Variants in NPLOC4 observed in about 807,000 individuals in gnomAD.
The protein encoded by NPLOC4 is nuclear protein localization protein 4 homolog.
In NPLOC4, 18 loss-of-function variants were observed where a neutral mutation model predicts 80.6. The ratio of observed to expected loss-of-function variants is 0.22; its 90% CI spans 0.15 to 0.33. The LOEUF is 0.33. Among genes scored for constraint, NPLOC4 ranks in the 10% least tolerant of loss-of-function variants. NPLOC4 has a pLI of 1.00. For missense variants in NPLOC4, 540 were observed against 786.1 expected (o/e 0.69, Z 3.74); for synonymous variants, 313 against 301.5 (o/e 1.04, Z -0.39).
At chr17:81,586,569 C>T (rs1229174005) in intron 12 of NPLOC4, among the ~76,000 whole-genome samples, 3 of 148,500 alleles carry the variant, frequency 2.0e-5, no homozygotes, top group African/African-American at 7.5e-5. Flanking sequence ...GAGATCGCGC[C>T]ACTGTACTCC....
At chr17:81,624,017 G>A (rs1237726070) in intron 2 of NPLOC4, among the ~76,000 whole-genome samples, 1 of 152,170 alleles carries the variant, frequency 6.6e-6, no homozygotes, top group Non-Finnish European at 1.5e-5. Flanking sequence ...GGGCGTGGTG[G>A]CTCATGTCTG....
intron 3 of NPLOC4, among the ~76,000 whole-genome samples, chr17:81,617,367 CCT>C (rs1295086096): frequency 6.6e-6 from 1 of 152,068 alleles, no homozygotes; most frequent in African/African-American, 2.4e-5. Context: ...GGACAAAGAC[CCT>C]GTCTCTAAAG....
intron 12 of NPLOC4, chr17:81,588,161 T>C (rs2034639542): frequency 6.6e-6 from 1 of 152,070 alleles, no homozygotes; most frequent in Non-Finnish European, 1.5e-5. Context: ...CTAAAAGAAA[T>C]TATCCAAAAT....
intron 13 of NPLOC4, among the ~76,000 whole-genome samples, chr17:81,570,474 G>A (rs1415990863): frequency 2.0e-5 from 3 of 152,212 alleles, no homozygotes; most frequent in Non-Finnish European, 4.4e-5. Context: ...CCCAGAACAC[G>A]TGCTAGTGAG....
chr17:81,628,121 G>C (rs923747224), intron 2 of NPLOC4, among the ~76,000 whole-genome samples: 2 of 151,590 alleles, frequency 1.3e-5, no homozygotes, highest in African/African-American at 4.9e-5. Flanking sequence ...TGAGGCAGGA[G>C]AGTGGCGTGA....
chr17:81,559,702 G>T (rs1020364311), intron 16 of NPLOC4, among the ~76,000 whole-genome samples: 1 of 151,820 alleles, frequency 6.6e-6, no homozygotes, highest in African/African-American at 2.4e-5. Context: ...ACTCCCCGGG[G>T]GATGTGCATT....
At chr17:81,617,876 G>A (rs933674542) in intron 3 of NPLOC4, among the ~76,000 whole-genome samples, 7 of 152,346 alleles carry the variant, frequency 4.6e-5, no homozygotes, top group African/African-American at 1.7e-4. Flanking sequence ...GGCCGGGCTG[G>A]TCTCCAGCTC....
intron 1 of NPLOC4, among the ~76,000 whole-genome samples, chr17:81,636,017 G>A (rs1174460090): frequency 1.3e-5 from 2 of 150,894 alleles, no homozygotes; most frequent in Non-Finnish European, 2.9e-5. Flanking sequence ...CTATAGCCCA[G>A]GCTGGAGTGC....
At chr17:81,563,814 G>T (rs964747151) in intron 16 of NPLOC4, 3 of 386,126 alleles carry the variant, frequency 7.8e-6, no homozygotes, top group Non-Finnish European at 1.5e-5. Context: ...GCAGCAACAT[G>T]GATGCAGTTG....
Position 81,597,922 on chromosome 17 carries a change from G to A in NPLOC4, c.922-606C>T, listed in dbSNP as rs79059060. 5.3e-5 allele frequency among the ~76,000 whole-genome samples: 8 copies of A among 150,108 alleles called. No individual in the cohort carries two copies. The East Asian group carries it at 1.4e-3, about 26-fold the overall frequency. On this transcript the variant is annotated intron_variant, in intron 9 of 16. Coordinates refer to ENST00000331134, the MANE Select transcript of NPLOC4 (RefSeq NM_017921.4). ...ATCCTGGCTAACATGGTGAAATCCC[G>A]TCTCTACTAAAAATAGAAAAAAATT...
At chr17:81,609,519 C>T (rs894688675) in intron 5 of NPLOC4, among the ~76,000 whole-genome samples, 1 of 152,148 alleles carries the variant, frequency 6.6e-6, no homozygotes, top group Admixed American at 6.5e-5. Context: ...AAAAGAGTTG[C>T]CCAGGCTGAA....
At position 81,559,204 on chromosome 17, in the gene NPLOC4, T is replaced by C. The variant is rs972495896; in HGVS notation, c.*55A>G. 3 of 1,529,258 alleles carry C rather than the reference T, an allele frequency of 2.0e-6. No individual in the cohort carries two copies. Among genetic ancestry groups the C allele is most frequent in the Non-Finnish European group, 2.6e-6 (3 of 1,136,050 alleles). The allele number at this position is 1,529,258 out of a possible 1,614,324, so 94.7% of individuals were successfully genotyped here. ...CAGGGAACACACTCAGCAACGCTTCTGGCTTCAGGAAGGGCTGGGCTGGGC... is the reference window on the plus strand; with the variant it reads ...CAGGGAACACACTCAGCAACGCTTCCGGCTTCAGGAAGGGCTGGGCTGGGC... On this transcript the variant is annotated 3_prime_UTR_variant, in exon 17 of 17. Coordinates refer to ENST00000331134, the MANE Select transcript of NPLOC4 (RefSeq NM_017921.4).
At chr17:81,576,307 C>T (rs745844633) in intron 12 of NPLOC4, among the ~76,000 whole-genome samples, 4 of 152,294 alleles carry the variant, frequency 2.6e-5, no homozygotes, top group East Asian at 1.9e-4. Context: ...TACAGTTGGC[C>T]GTTGCACAAC....
intron 1 of NPLOC4, among the ~76,000 whole-genome samples, chr17:81,635,926 T>TTC (rs10652259): frequency 0.62 from 93,165 of 151,364 alleles, 30,731 homozygotes; most frequent in East Asian, 0.99. Context: ...GGGACTGGTT[T>TTC]TCTGATTTGT....
intron 16 of NPLOC4, chr17:81,565,291 C>T (rs2144027301): frequency 1.0e-5 from 7 of 702,034 alleles, no homozygotes; most frequent in Non-Finnish European, 1.6e-5. Context: ...GTACCTAAGA[C>T]GTACGGCCTG....
intron 11 of NPLOC4, 123 bp from the exon 12 acceptor site, chr17:81,589,227 A>G: frequency 1.1e-6 from 1 of 871,762 alleles, no homozygotes; most frequent in Non-Finnish European, 1.7e-6. Flanking sequence ...CGGGGGTAAG[A>G]GTTAAAAAAT....
rs1598640683 is a variant in NPLOC4 at position 81,589,864 on chromosome 17, A to G, written c.1121-760T>C. Among the ~76,000 whole-genome samples the G allele has an allele frequency of 3.9e-5, 6 of 152,000 alleles. No individual in the cohort carries two copies. The South Asian group carries it at 8.3e-4, about 21-fold the overall frequency. Reference sequence around the variant, plus strand: ...AATCAATCAATCAAAAAAAAAAAAAAAAGATTGTTAAACATTGTCTAGCAT... The same window carrying G: ...AATCAATCAATCAAAAAAAAAAAAAGAAGATTGTTAAACATTGTCTAGCAT... On this transcript the variant is annotated intron_variant, in intron 11 of 16. Coordinates refer to ENST00000331134, the MANE Select transcript of NPLOC4 (RefSeq NM_017921.4).
At chr17:81,604,378 A>C (rs543879227) in intron 8 of NPLOC4, among the ~76,000 whole-genome samples, 170 bp downstream of exon 8, 1 of 152,264 alleles carries the variant, frequency 6.6e-6, no homozygotes, top group East Asian at 1.9e-4. Flanking sequence ...TGAAGGTTTT[A>C]GGAGCCATGA....
chr17:81,596,238 G>A lies in NPLOC4; in HGVS notation c.998C>T (p.Thr333Ile). The A allele has an allele frequency of 6.2e-7, 1 of 1,612,142 alleles. No homozygotes were observed. The highest frequency in any genetic ancestry group is 8.5e-7 in the Non-Finnish European group (1 of 1,178,792). Residue 333 changes from threonine to isoleucine, a missense_variant, in exon 11 of 17, where the codon ACC becomes ATC. Physicochemically the swap from Thr to Ile is moderately conservative, Grantham distance 89 (BLOSUM62 -1). This residue lies in a region of NPLOC4 where 251 missense variants were observed against 377.5 expected (regional missense o/e 0.66). Transcript: ENST00000331134. ...GCACTCTTCTGAACTTAGGAAATAG[G>A]TGTCCTAAGACAAGAGAAGCAGCCT... ...GTVRYSRNKD[T>I]YFLSSEECIT...
Sources: allele counts gnomAD v4.1 joint callset (sites outside exome capture counted in the v4.1 genomes callset), GRCh38; gene constraint gnomAD v4.1.1; regional missense constraint gnomAD v4.1.1; transcripts MANE v1.5; gene names NCBI Gene and HGNC (gene_info 2026-07-23, HGNC 2026-07-21).